The following FAAP20 variants were observed in gnomAD, a reference collection of about 807,000 sequenced individuals.
FAAP20 encodes the protein FA core complex associated protein 20, also known as Fanconi anemia core complex-associated protein 20.
FAAP20 carries 12 observed loss-of-function variants against 16.2 expected under a neutral mutation model. That is an observed-to-expected ratio of 0.74 (90% confidence interval 0.48 to 1.20). The LOEUF is 1.20. Among genes scored for constraint, FAAP20 ranks in the 50% most tolerant of loss-of-function variants. The pLI is 0.00. For missense variants in FAAP20, 288 were observed against 245.8 expected (o/e 1.17, Z -1.15); for synonymous variants, 141 against 110.7 (o/e 1.27, Z -1.72).
upstream of FAAP20, among the ~76,000 whole-genome samples, chr1:2,197,761 C>G (rs1350939147): frequency 6.6e-6 from 1 of 152,246 alleles, no homozygotes; most frequent in African/African-American, 2.4e-5. Context: ...CATGTCACCA[C>G]TGGGGAGGGG....
downstream of FAAP20, among the ~76,000 whole-genome samples, chr1:2,187,408 G>A (rs1687726394): frequency 1.3e-5 from 2 of 151,430 alleles, no homozygotes; most frequent in South Asian, 2.1e-4. Flanking sequence ...GGGTTTAAGC[G>A]ATTCTCCTGC....
chr1:2,196,921 G>T (rs1688851280), upstream of FAAP20, among the ~76,000 whole-genome samples: 1 of 152,166 alleles, frequency 6.6e-6, no homozygotes, highest in African/African-American at 2.4e-5. This position sits in a 1 kb window ranked among gnomAD's most constrained non-coding sequence, Gnocchi z 4.5. Context: ...GGGGTGGTGG[G>T]GGGTGTTCTT....
At chr1:2,207,929 T>C (rs951853530), downstream of FAAP20, among the ~76,000 whole-genome samples, 78 of 89,818 alleles carry the variant, frequency 8.7e-4, no homozygotes, top group African/African-American at 1.7e-3. Flanking sequence ...TGTGTGTGTG[T>C]GTGTGTGTGT....
chr1:2,194,236 G>A (rs575406263), intron 1 of FAAP20, 103 bp from the exon 2 acceptor site: 3 of 1,441,428 alleles, frequency 2.1e-6, no homozygotes, highest in African/African-American at 1.4e-5. Context: ...GAGATGGGGG[G>A]TACTAGAGGG....
In FAAP20 at chr1:2,189,798, A is replaced by G. The variant is rs376513196; in HGVS notation, c.471-17T>C. On this transcript the variant is annotated splice_polypyrimidine_tract_variant and intron_variant, in intron 3 of 3. Coordinates refer to ENST00000378546, the MANE Select transcript of FAAP20 (RefSeq NM_182533.4). ...TGGGTCAGCCTGCAAGGGAGGGGCC[A>G]CACTCACTCGGCCACCTCCGCGGCA... is the stretch of plus-strand genomic sequence containing the variant. 10 of 1,599,798 alleles carry G rather than the reference A, an allele frequency of 6.3e-6. No individual in the cohort carries two copies. The highest frequency in any genetic ancestry group is 1.3e-5 in the African/African-American group (1 of 74,696).
At chr1:2,194,172 A>C in intron 1 of FAAP20, 39 bp from the exon 2 acceptor site, 2 of 1,608,162 alleles carry the variant, frequency 1.2e-6, no homozygotes, top group Non-Finnish European at 1.7e-6. Context: ...GGTACTCAGT[A>C]GCGGAAACGC....
At chr1:2,185,511 T>TGGGGGGGAC, downstream of FAAP20, 1 of 717,304 alleles carries the variant, frequency 1.4e-6, no homozygotes, top group South Asian at 1.5e-5. Flanking sequence ...GGAGTTGAAG[T>TGGGGGGGAC]ACCTGTGGGG....
intron 3 of FAAP20, chr1:2,192,612 C>A: frequency 8.7e-7 from 1 of 1,148,484 alleles, no homozygotes; most frequent in Non-Finnish European, 1.1e-6. Context: ...CCAGGGCTCC[C>A]AACAGTACCC....
chr1:2,209,295 T>C (rs927892718), downstream of FAAP20, among the ~76,000 whole-genome samples: 4 of 152,178 alleles, frequency 2.6e-5, no homozygotes, highest in South Asian at 4.1e-4. Flanking sequence ...ATGGACCTCA[T>C]AGGAAGCCCT....
downstream of FAAP20, chr1:2,186,189 G>A (rs896254931): frequency 1.0e-5 from 4 of 394,802 alleles, no homozygotes; most frequent in Non-Finnish European, 2.1e-5. Flanking sequence ...TCTTGGCCAG[G>A]CGCAGAGACC....
chr1:2,209,243 C>T (rs1239131461), downstream of FAAP20, among the ~76,000 whole-genome samples: 2 of 152,202 alleles, frequency 1.3e-5, no homozygotes, highest in East Asian at 1.9e-4. Context: ...TGCTGGCCCC[C>T]GCCCCGAAAG....
At chr1:2,194,795 CCT>C, upstream of FAAP20, 1 of 1,068,518 alleles carries the variant, frequency 9.4e-7, no homozygotes, top group Non-Finnish European at 1.1e-6. Flanking sequence ...CGCCCCCGCC[CCT>C]CCAGGCCCCG....
chr1:2,204,938 ACCCCGCCCCTCAAG>A (rs1412085665), intron 3 of FAAP20, among the ~76,000 whole-genome samples: 1 of 11,588 alleles, frequency 8.6e-5, no homozygotes, highest in Admixed American at 9.9e-4. Flanking sequence ...GGCCCCCCAT[ACCCCGCCCCTCAAG>A]CCCCGCCCCG....
chr1:2,186,503 C>CG (rs1441409253), downstream of FAAP20, among the ~76,000 whole-genome samples: 6 of 149,864 alleles, frequency 4.0e-5, no homozygotes, highest in South Asian at 6.6e-4. Flanking sequence ...CCCGCCCCCC[C>CG]CCGGCCAGCT....
chr1:2,184,597 G>A (rs779455788), downstream of FAAP20: 1 of 1,613,880 alleles, frequency 6.2e-7, no homozygotes, highest in Non-Finnish European at 8.5e-7. Flanking sequence ...AGAAGAAGCA[G>A]GCGCTCCCTC....
At chr1:2,192,507 G>C (rs984334514) in intron 3 of FAAP20, 6 of 995,712 alleles carry the variant, frequency 6.0e-6, no homozygotes, top group Non-Finnish European at 7.2e-6. Context: ...AAAAGCAGGC[G>C]ATGCAAAGAC....
chr1:2,211,719 G>A (rs1689452190), downstream of FAAP20, among the ~76,000 whole-genome samples: 1 of 151,440 alleles, frequency 6.6e-6, no homozygotes, highest in African/African-American at 2.4e-5. Context: ...AAAGTGCTGG[G>A]ATTACAGGCA....
downstream of FAAP20, among the ~76,000 whole-genome samples, chr1:2,209,009 G>T (rs545647666): frequency 7.2e-5 from 11 of 152,310 alleles, no homozygotes; most frequent in Admixed American, 2.6e-4. Flanking sequence ...GCACCCAGCA[G>T]CTGCTCCACC....
At chr1:2,187,769 C>T (rs543252547), downstream of FAAP20, among the ~76,000 whole-genome samples, 2 of 151,864 alleles carry the variant, frequency 1.3e-5, no homozygotes, top group South Asian at 4.2e-4. Flanking sequence ...CTGCCCTTGT[C>T]GTCGCCCCAC....
Sources: allele counts gnomAD v4.1 joint callset (sites outside exome capture counted in the v4.1 genomes callset), GRCh38; gene constraint gnomAD v4.1.1; non-coding constraint Gnocchi (gnomAD v3.1); transcripts MANE v1.5; gene names NCBI Gene and HGNC (gene_info 2026-07-23, HGNC 2026-07-21).